Variants in KIAA2012 observed in about 807,000 individuals in gnomAD.
The protein encoded by KIAA2012 is KIAA2012, also known as uncharacterized protein KIAA2012.
In KIAA2012, 125 loss-of-function variants were observed where a neutral mutation model predicts 150.6. The ratio of observed to expected loss-of-function variants is 0.83; its 90% CI spans 0.72 to 0.96. The LOEUF is 0.96. Among genes scored for constraint, KIAA2012 ranks in the 40% least tolerant of loss-of-function variants. The pLI is 0.00. For missense variants in KIAA2012, 1,219 were observed against 1,354.9 expected, an observed-to-expected ratio of 0.90 and a Z score of 1.57; for synonymous variants, 462 against 504.7, an observed-to-expected ratio of 0.92 and a Z score of 1.13.
At chr2:202,147,112 A>C (rs746062914) in intron 13 of KIAA2012, among the ~76,000 whole-genome samples, 3 of 152,224 alleles carry the variant, frequency 2.0e-5, no homozygotes, top group Non-Finnish European at 4.4e-5. Flanking sequence ...CTTGAAAAGC[A>C]GGAATAATTT....
At chr2:202,166,713 G>A (rs1574302106) in intron 15 of KIAA2012, among the ~76,000 whole-genome samples, 1 of 151,676 alleles carries the variant, frequency 6.6e-6, no homozygotes, top group East Asian at 1.9e-4. Flanking sequence ...TAGGTCTTAA[G>A]GCTAATTACC....
intron 4 of KIAA2012, among the ~76,000 whole-genome samples, chr2:202,096,375 C>A (rs972025409): frequency 3.3e-5 from 5 of 152,194 alleles, no homozygotes; most frequent in African/African-American, 1.2e-4. Context: ...GCCACTAAAA[C>A]CAGAGCAGAC....
intron 15 of KIAA2012, among the ~76,000 whole-genome samples, chr2:202,174,878 T>C (rs1045396290): frequency 1.3e-5 from 2 of 152,256 alleles, no homozygotes; most frequent in African/African-American, 4.8e-5. Flanking sequence ...ACATGTGCCA[T>C]GCTGGTGCGC....
In KIAA2012 at chr2:202,180,258, T is replaced by G. The variant is rs1372739442; in HGVS notation, c.2120-4495T>G. ...TGCAGTCCAGCCTAGGCCAAAAGAG[T>G]GAAACTCCTCCAAAAAAAAAAAAAA... On this transcript the variant is annotated intron_variant, in intron 15 of 23. Transcript: ENST00000498697. 6.7e-5 allele frequency among the ~76,000 whole-genome samples: 7 copies of G among 104,222 alleles called. No homozygotes were observed. In the South Asian group the frequency reaches 8.1e-4, roughly 12 times the overall value. The allele number at this position is 104,222 out of a possible 152,430, so 68.4% of individuals were successfully genotyped here.
intron 13 of KIAA2012, among the ~76,000 whole-genome samples, chr2:202,147,562 C>T (rs1253286912): frequency 1.3e-5 from 2 of 152,258 alleles, no homozygotes; most frequent in Admixed American, 1.3e-4. Flanking sequence ...CTTCTGCTGT[C>T]ACGCATGACC....
rs2105742068 is a variant in KIAA2012 at position 202,184,817 on chromosome 2, C to T, written c.2184C>T (p.Thr728=). The change falls in exon 16 of 24, where the codon ACC becomes ACT. Residue 728 remains threonine (T), a synonymous_variant. Coordinates refer to ENST00000498697, the MANE Select transcript of KIAA2012 (RefSeq NM_001277372.4). The part of the protein sequence containing the change: ...PRASRTEHIQ[T]PEADIVQKVG... ...CTTCCCGGACTGAGCACATCCAGAC[C>T]CCAGAAGCAGATATTGTGCAAAAAG... 2 of 1,549,060 alleles carry T rather than the reference C, an allele frequency of 1.3e-6. No homozygotes were observed. The highest frequency in any genetic ancestry group is 3.9e-5 in the Admixed American group (2 of 50,782).
intron 13 of KIAA2012, 33 bp from the exon 14 acceptor site, chr2:202,154,640 A>G (rs1249935313): frequency 3.3e-6 from 5 of 1,514,256 alleles, no homozygotes; most frequent in Non-Finnish European, 4.4e-6. Context: ...TATCATTCAT[A>G]TGAAAGTTCG....
rs530679144 is a variant in KIAA2012, at chr2:202,144,251, T to C, written c.1908+5743T>C. 9.2e-5 allele frequency among the ~76,000 whole-genome samples: 14 copies of C among 152,314 alleles called. No homozygotes were observed. The South Asian group carries it at 2.9e-3, about 32-fold the overall frequency. Reference sequence around the variant, plus strand: ...CCTAAAAATCCTGTTAAATTGGTGTTATATCCCTTTCTTCACTTCTGTTTC... The same window carrying C: ...CCTAAAAATCCTGTTAAATTGGTGTCATATCCCTTTCTTCACTTCTGTTTC... On this transcript the variant is annotated intron_variant, in intron 13 of 23. Coordinates refer to ENST00000498697, the MANE Select transcript of KIAA2012 (RefSeq NM_001277372.4).
At chr2:202,096,124 T>A (rs13419481) in intron 4 of KIAA2012, among the ~76,000 whole-genome samples, 67,944 of 151,706 alleles carry the variant, frequency 0.45, 15,574 homozygotes, top group African/African-American at 0.55. Context: ...ATTTAGTAAG[T>A]TTCACTTCCT....
chr2:202,113,708 C>T (rs996240404), intron 11 of KIAA2012: 18 of 429,956 alleles, frequency 4.2e-5, no homozygotes, highest in Admixed American at 3.8e-4. Flanking sequence ...TAATGTGCCA[C>T]GCTGATGCCT....
intron 15 of KIAA2012, chr2:202,179,976 C>T: frequency 1.4e-6 from 1 of 720,620 alleles, no homozygotes. Flanking sequence ...GTTAAGATTA[C>T]TTGGCTGCCA....
At chr2:202,146,267 C>A (rs1691292086) in intron 13 of KIAA2012, among the ~76,000 whole-genome samples, 2 of 152,028 alleles carry the variant, frequency 1.3e-5, no homozygotes, top group Admixed American at 1.3e-4. Context: ...CTTTGGGAGA[C>A]CAAGGCTGGA....
intron 10 of KIAA2012, among the ~76,000 whole-genome samples, chr2:202,110,697 G>C (rs1690323877): frequency 6.6e-6 from 1 of 152,142 alleles, no homozygotes. Context: ...CATCACAGAG[G>C]CAACAGATTT....
chr2:202,088,969 G>C (rs1240453631), intron 2 of KIAA2012, among the ~76,000 whole-genome samples: 1 of 152,194 alleles, frequency 6.6e-6, no homozygotes, highest in Non-Finnish European at 1.5e-5. Flanking sequence ...CTTGAGCCCA[G>C]GGGCTCTGGC....
At chr2:202,112,643 G>A (rs990140438) in intron 10 of KIAA2012, among the ~76,000 whole-genome samples, 3 of 152,170 alleles carry the variant, frequency 2.0e-5, no homozygotes, top group African/African-American at 7.2e-5. Flanking sequence ...TGTCAGAACT[G>A]AATTAAATTA....
intron 13 of KIAA2012, among the ~76,000 whole-genome samples, chr2:202,140,620 T>C (rs1198053413): frequency 6.6e-6 from 1 of 152,222 alleles, no homozygotes; most frequent in Admixed American, 6.5e-5. Flanking sequence ...TGGCCTCTTA[T>C]TAGATTAATC....
chr2:202,171,215 AC>A (rs1350273118), intron 15 of KIAA2012, among the ~76,000 whole-genome samples: 2 of 152,054 alleles, frequency 1.3e-5, no homozygotes, highest in African/African-American at 4.8e-5. Context: ...GCACACACAC[AC>A]ACACACACCC....
intron 22 of KIAA2012, among the ~76,000 whole-genome samples, chr2:202,198,588 T>G (rs370374699): frequency 2.7e-4 from 41 of 152,190 alleles, no homozygotes; most frequent in African/African-American, 9.7e-4. Flanking sequence ...TTTCTGATAA[T>G]AAAAACTGAG....
At chr2:202,179,338 G>A in intron 15 of KIAA2012, 5 of 1,084,810 alleles carry the variant, frequency 4.6e-6, no homozygotes, top group Non-Finnish European at 7.0e-6. Context: ...CATTCAGCCC[G>A]TCTGATAAAC....
Sources: gnomAD v4.1 joint callset for allele counts (sites outside exome capture counted in the v4.1 genomes callset) on GRCh38, gnomAD v4.1.1 for gene constraint, MANE v1.5 for transcripts, NCBI Gene and HGNC (gene_info 2026-07-23, HGNC 2026-07-21) for gene names.